MYO5B: variants seen among roughly 807,000 people sequenced by gnomAD.
MYO5B encodes myosin VB.
MYO5B carries 143 observed loss-of-function variants against 229.3 expected under a neutral mutation model. The ratio of observed to expected loss-of-function variants is 0.62; its 90% CI spans 0.54 to 0.72. The LOEUF is 0.72. Among genes scored for constraint, MYO5B ranks in the 30% least tolerant of loss-of-function variants. The pLI is 0.00. For synonymous variants in MYO5B, 918 were observed against 885.2 expected, an observed-to-expected ratio of 1.04 and a Z score of -0.66; for missense variants, 2,321 against 2,331.0, an observed-to-expected ratio of 1.00 and a Z score of 0.09.
At chr18:50,187,431 C>T (rs1480344886) in intron 1 of MYO5B, among the ~76,000 whole-genome samples, 1 of 152,158 alleles carries the variant, frequency 6.6e-6, no homozygotes, top group East Asian at 1.9e-4. Context: ...TGTGTTCTTG[C>T]CCAAAAGTCA....
intron 1 of MYO5B, among the ~76,000 whole-genome samples, chr18:50,151,331 C>T (rs1405591217): frequency 2.6e-5 from 4 of 152,186 alleles, no homozygotes; most frequent in Admixed American, 6.5e-5. Flanking sequence ...ACTGACTGCA[C>T]GTCACTCAGT....
intron 1 of MYO5B, among the ~76,000 whole-genome samples, chr18:50,134,847 A>C (rs1266691872): frequency 1.3e-5 from 2 of 152,120 alleles, no homozygotes; most frequent in East Asian, 3.9e-4. Flanking sequence ...CAACCACCTT[A>C]ATTATCTCCC....
intron 4 of MYO5B, among the ~76,000 whole-genome samples, chr18:50,028,950 G>A (rs2026360454): frequency 6.6e-6 from 1 of 152,198 alleles, no homozygotes; most frequent in South Asian, 2.1e-4. Flanking sequence ...CAGGGTCATA[G>A]AAGGCAGGCA....
chr18:50,124,310 C>A (rs540486808), intron 1 of MYO5B, among the ~76,000 whole-genome samples: 1 of 152,310 alleles, frequency 6.6e-6, no homozygotes, highest in East Asian at 1.9e-4. Context: ...ATACACAGTG[C>A]AAAACATTTT....
intron 20 of MYO5B, among the ~76,000 whole-genome samples, chr18:49,904,433 T>C (rs1389094072): frequency 3.9e-5 from 6 of 152,202 alleles, no homozygotes; most frequent in Admixed American, 2.6e-4. Flanking sequence ...TAAACCTCTT[T>C]TCTTCATAAA....
At chr18:50,154,165 A>T (rs2032643621) in intron 1 of MYO5B, among the ~76,000 whole-genome samples, 1 of 152,214 alleles carries the variant, frequency 6.6e-6, no homozygotes, top group Non-Finnish European at 1.5e-5. Context: ...AGAGAATAGC[A>T]GTGGCTACCT....
chr18:49,898,344 A>G (rs1402504287), intron 21 of MYO5B, among the ~76,000 whole-genome samples: 3 of 152,258 alleles, frequency 2.0e-5, no homozygotes, highest in Non-Finnish European at 2.9e-5. Context: ...TATTTGTGTC[A>G]TATTTCTCAT....
intron 12 of MYO5B, among the ~76,000 whole-genome samples, chr18:49,956,969 T>C (rs2025499168): frequency 6.6e-6 from 1 of 151,892 alleles, no homozygotes; most frequent in Admixed American, 6.6e-5. Flanking sequence ...GTGATGAAAA[T>C]GTTCTAAAAT....
intron 4 of MYO5B, among the ~76,000 whole-genome samples, chr18:50,010,936 C>T (rs1434394115): frequency 1.3e-5 from 2 of 152,212 alleles, no homozygotes; most frequent in Non-Finnish European, 2.9e-5. Context: ...CATTCCAAAA[C>T]CCATCCTCTT....
intron 22 of MYO5B, among the ~76,000 whole-genome samples, chr18:49,885,598 T>C (rs2024633663): frequency 6.6e-6 from 1 of 152,190 alleles, no homozygotes; most frequent in African/African-American, 2.4e-5. Context: ...CTGGTTACAA[T>C]GCTTAAATGC....
chr18:50,141,220 C>T (rs7227007), intron 1 of MYO5B, among the ~76,000 whole-genome samples: 18,906 of 152,258 alleles, frequency 0.12, 1,281 homozygotes, highest in East Asian at 0.24. Context: ...CTGTTTATCA[C>T]TGCCATGGCA....
chr18:49,934,785 AAC>A (rs1234818187), intron 16 of MYO5B, among the ~76,000 whole-genome samples: 1 of 152,196 alleles, frequency 6.6e-6, no homozygotes, highest in Non-Finnish European at 1.5e-5. Context: ...CTGTCTCCTT[AAC>A]CTTTTCCACA....
At chr18:50,122,631 G>C (rs1363245628) in intron 1 of MYO5B, among the ~76,000 whole-genome samples, 7 of 33,774 alleles carry the variant, frequency 2.1e-4, no homozygotes, top group African/African-American at 7.0e-4. Flanking sequence ...AGGGAAGGGG[G>C]GGGGAGAGAG....
intron 4 of MYO5B, among the ~76,000 whole-genome samples, chr18:50,030,138 G>A (rs905658883): frequency 1.3e-5 from 2 of 152,220 alleles, no homozygotes; most frequent in African/African-American, 2.4e-5. Flanking sequence ...AGAATCTGCA[G>A]CCTGGAGTTG....
At chr18:50,133,657 T>C (rs955071647) in intron 1 of MYO5B, among the ~76,000 whole-genome samples, 1 of 152,186 alleles carries the variant, frequency 6.6e-6, no homozygotes, top group Non-Finnish European at 1.5e-5. Flanking sequence ...CTCCAGCTTA[T>C]TCCTCACTTT....
At chr18:49,930,689 G>C (rs563774790) in intron 16 of MYO5B, among the ~76,000 whole-genome samples, 2 of 152,030 alleles carry the variant, frequency 1.3e-5, no homozygotes, top group African/African-American at 4.8e-5. Flanking sequence ...TCAGGAGATC[G>C]AGACCATCCT....
intron 24 of MYO5B, 70 bp from the exon 25 acceptor site, chr18:49,877,952 C>G (rs1049632800): frequency 6.3e-7 from 1 of 1,586,004 alleles, no homozygotes; most frequent in Non-Finnish European, 8.7e-7. Flanking sequence ...CCCATGGTGG[C>G]AGGCCCTAGA....
chr18:50,122,610 G>A (rs2032080123), intron 1 of MYO5B, among the ~76,000 whole-genome samples: 2 of 32,228 alleles, frequency 6.2e-5, no homozygotes, highest in African/African-American at 9.5e-5. Context: ...GAGAGAGAAA[G>A]AGAGGGAGGG....
At chr18:49,941,511 G>T (rs1333944301) in intron 14 of MYO5B, among the ~76,000 whole-genome samples, 1 of 152,188 alleles carries the variant, frequency 6.6e-6, no homozygotes, top group Admixed American at 6.5e-5. Flanking sequence ...GAGATAAAGA[G>T]ACAAATCCCT....
Sources: allele counts gnomAD v4.1 joint callset (sites outside exome capture counted in the v4.1 genomes callset), GRCh38; gene constraint gnomAD v4.1.1; transcripts MANE v1.5; gene names NCBI Gene and HGNC (gene_info 2026-07-23, HGNC 2026-07-21).